The following SCEL variants were observed in gnomAD, a reference collection of about 807,000 sequenced individuals.
SCEL encodes the protein sciellin.
SCEL carries 113 observed loss-of-function variants against 117.6 expected under a neutral mutation model. The observed-to-expected ratio is 0.96, with a 90% CI of 0.83 to 1.12. SCEL has a LOEUF of 1.12. Ranked by LOEUF, SCEL falls within the 50% of genes most tolerant of loss-of-function variation. The pLI is 0.00. For synonymous variants in SCEL, 270 were observed against 256.2 expected (o/e 1.05, Z -0.51); for missense variants, 785 against 810.8 (o/e 0.97, Z 0.39).
intron 27 of SCEL, 36 bp from the exon 28 acceptor site, chr13:77,627,911 T>C: frequency 1.2e-6 from 1 of 851,246 alleles, no homozygotes; most frequent in Admixed American, 2.3e-5. Flanking sequence ...TATCATTATG[T>C]TGTAATTATT....
rs1443549486 is a variant in SCEL at position 77,617,745 on chromosome 13, G to A, written c.1512-58G>A. On this transcript the variant is annotated intron_variant, in intron 25 of 32. Coordinates refer to ENST00000349847, the MANE Select transcript of SCEL (RefSeq NM_144777.3). ...CTTCAAGCAGATTTATAACCTTAATGATATTACCAAAAGAACTTCAAAATT... is the reference window on the plus strand; with the variant it reads ...CTTCAAGCAGATTTATAACCTTAATAATATTACCAAAAGAACTTCAAAATT... 2.7e-6 allele frequency: 4 copies of A among 1,498,864 alleles called. No homozygotes were observed. The Admixed American group carries it at 7.0e-5, about 26-fold the overall frequency. The allele number at this position is 1,498,864 out of a possible 1,614,324, so 92.8% of individuals were successfully genotyped here. A position where few individuals can be genotyped will look rare whatever the true frequency, so the allele number is the denominator to read the frequency against.
chr13:77,557,142 G>C (rs1190951283), intron 3 of SCEL, among the ~76,000 whole-genome samples: 1 of 152,118 alleles, frequency 6.6e-6, no homozygotes, highest in South Asian at 2.1e-4. Context: ...ATGTACAAGA[G>C]AAATTTAAAA....
intron 1 of SCEL, among the ~76,000 whole-genome samples, chr13:77,552,045 T>G (rs1337277122): frequency 3.3e-5 from 5 of 151,934 alleles, no homozygotes; most frequent in African/African-American, 4.8e-5. Flanking sequence ...TATGGCTGCA[T>G]AGTATTCCAT....
At chr13:77,613,531 T>TA (rs983676729) in intron 23 of SCEL, among the ~76,000 whole-genome samples, 1 of 152,134 alleles carries the variant, frequency 6.6e-6, no homozygotes, top group Non-Finnish European at 1.5e-5. Flanking sequence ...AAGGGATTGT[T>TA]ATGAACATGA....
chr13:77,632,734 A>C (rs1378936908), intron 28 of SCEL, among the ~76,000 whole-genome samples: 1 of 152,208 alleles, frequency 6.6e-6, no homozygotes, highest in Non-Finnish European at 1.5e-5. Context: ...TTTTTGCATT[A>C]AGAATCTCCT....
chr13:77,634,101 C>A (rs538673764), intron 28 of SCEL, among the ~76,000 whole-genome samples: 3 of 152,214 alleles, frequency 2.0e-5, no homozygotes, highest in East Asian at 3.9e-4. Flanking sequence ...TACAAATATT[C>A]AAAAATAATC....
intron 1 of SCEL, among the ~76,000 whole-genome samples, chr13:77,536,304 G>T (rs974874252): frequency 2.6e-5 from 4 of 152,018 alleles, no homozygotes; most frequent in Non-Finnish European, 4.4e-5. Flanking sequence ...AATATTGCAA[G>T]TTGCTGAGCT....
intron 9 of SCEL, among the ~76,000 whole-genome samples, chr13:77,584,168 C>T (rs957422273): frequency 2.0e-5 from 3 of 152,158 alleles, no homozygotes; most frequent in African/African-American, 7.2e-5. Context: ...TCTCTTGTTT[C>T]CTTCTCTTCA....
At chr13:77,592,620 G>T (rs139623603) in intron 11 of SCEL, among the ~76,000 whole-genome samples, 1 of 146,614 alleles carries the variant, frequency 6.8e-6, no homozygotes, top group Non-Finnish European at 1.5e-5. Flanking sequence ...GTGCAGCAGA[G>T]AACTTATAGC....
intron 27 of SCEL, among the ~76,000 whole-genome samples, chr13:77,626,558 G>A (rs1409680494): frequency 6.6e-6 from 1 of 152,120 alleles, no homozygotes; most frequent in African/African-American, 2.4e-5. Context: ...ATTGGATCAT[G>A]GGGACAGTTT....
intron 30 of SCEL, among the ~76,000 whole-genome samples, chr13:77,639,545 A>G (rs757840206): frequency 6.6e-6 from 1 of 152,210 alleles, no homozygotes; most frequent in Non-Finnish European, 1.5e-5. Flanking sequence ...CAATGAGCGC[A>G]TCAGATCTTT....
chr13:77,578,114 A>G (rs1297983805), intron 9 of SCEL, among the ~76,000 whole-genome samples: 6 of 152,224 alleles, frequency 3.9e-5, no homozygotes, highest in Non-Finnish European at 8.8e-5. Flanking sequence ...CAAAGCTGTC[A>G]TGGACCTCTT....
intron 28 of SCEL, among the ~76,000 whole-genome samples, chr13:77,630,239 C>A (rs2089964669): frequency 6.6e-6 from 1 of 152,108 alleles, no homozygotes; most frequent in African/African-American, 2.4e-5. Context: ...TTTTCTGAGA[C>A]TCAACAGGAA....
At chr13:77,616,124 A>T (rs1314620592) in intron 24 of SCEL, among the ~76,000 whole-genome samples, 1 of 151,724 alleles carries the variant, frequency 6.6e-6, no homozygotes, top group Non-Finnish European at 1.5e-5. Flanking sequence ...TGGTTAGAAT[A>T]TCATTGTTCT....
At chr13:77,634,165 G>C (rs1459159186) in intron 28 of SCEL, among the ~76,000 whole-genome samples, 1 of 152,156 alleles carries the variant, frequency 6.6e-6, no homozygotes, top group Non-Finnish European at 1.5e-5. Flanking sequence ...CAATGCTTAG[G>C]AAGTAAACCA....
intron 27 of SCEL, among the ~76,000 whole-genome samples, chr13:77,627,161 C>G (rs979564389): frequency 4.6e-5 from 7 of 152,114 alleles, no homozygotes; most frequent in African/African-American, 1.7e-4. Context: ...AATAAGGTCT[C>G]TGGGTAAACA....
intron 18 of SCEL, 96 bp from the exon 19 acceptor site, chr13:77,604,260 T>C (rs1315703018): frequency 5.5e-6 from 4 of 724,578 alleles, no homozygotes; most frequent in Admixed American, 6.1e-5. Context: ...ATAGAAAACT[T>C]GTATATTTAC....
Position 77,555,895 on chromosome 13 carries a change from GA to G in SCEL, c.25del (p.Met9CysfsTer8). 3 of 1,613,368 alleles carry G rather than the reference GA, an allele frequency of 1.9e-6. No individual in the cohort carries two copies. In the Admixed American group the frequency reaches 5.0e-5, roughly 27 times the overall value. ...GGCAGCATGTCCAATGTTACCTTGA[GA>G]AAAATGTCTCCCACAGGAAATGGTA... MSNVTL[R>X]KMSPTGNEMK... On this transcript the variant is annotated frameshift_variant, in exon 2 of 33. Transcript: ENST00000349847. LOFTEE classifies it high-confidence loss of function.
intron 1 of SCEL, among the ~76,000 whole-genome samples, chr13:77,549,191 G>C (rs2084161856): frequency 6.6e-6 from 1 of 152,084 alleles, no homozygotes; most frequent in Non-Finnish European, 1.5e-5. Context: ...GTGTATGAGA[G>C]TTCTCTTTTC....
Sources: gnomAD v4.1 joint callset for allele counts (sites outside exome capture counted in the v4.1 genomes callset) on GRCh38, gnomAD v4.1.1 for gene constraint, MANE v1.5 for transcripts, NCBI Gene and HGNC (gene_info 2026-07-23, HGNC 2026-07-21) for gene names.